Variants in BCCIP observed in about 807,000 individuals in gnomAD.
The protein encoded by BCCIP is BRCA2 and CDKN1A interacting protein.
BCCIP carries 23 observed loss-of-function variants against 32.8 expected under a neutral mutation model. The observed-to-expected ratio is 0.70, with a 90% CI of 0.51 to 0.99. The LOEUF (loss-of-function observed/expected upper bound fraction) is 0.99. BCCIP is among the 50% of genes least tolerant of loss of function. The pLI is 0.00. For synonymous variants in BCCIP, 144 were observed against 137.6 expected (o/e 1.05, Z -0.33); for missense variants, 378 against 379.8 (o/e 1.00, Z 0.04).
chr10:125,843,856 C>T (rs887143640), downstream of BCCIP, among the ~76,000 whole-genome samples: 1 of 152,204 alleles, frequency 6.6e-6, no homozygotes, highest in Non-Finnish European at 1.5e-5. Context: ...CAGTGCCAAA[C>T]CACCCAAGGG....
downstream of BCCIP, chr10:125,841,274 T>G: frequency 6.2e-7 from 1 of 1,614,118 alleles, no homozygotes; most frequent in Non-Finnish European, 8.5e-7. Context: ...AAACCTGAGG[T>G]GCTTGGAGGT....
intron 7 of BCCIP, among the ~76,000 whole-genome samples, chr10:125,850,903 A>T (rs1454560750): frequency 2.6e-5 from 4 of 152,204 alleles, no homozygotes; most frequent in African/African-American, 9.6e-5. Flanking sequence ...CTGCCTTCCC[A>T]GGGTAGCGGC....
chr10:125,833,130 A>AC (rs1854565101), intron 5 of BCCIP, among the ~76,000 whole-genome samples: 1 of 151,538 alleles, frequency 6.6e-6, no homozygotes, highest in Non-Finnish European at 1.5e-5. Context: ...TCTCCAAACG[A>AC]AAAAAAGAAA....
intron 7 of BCCIP, among the ~76,000 whole-genome samples, chr10:125,848,907 C>T (rs548176044): frequency 6.6e-6 from 1 of 152,286 alleles, no homozygotes; most frequent in African/African-American, 2.4e-5. Flanking sequence ...TGAAGTGAAG[C>T]AATGAGAGTC....
chr10:125,849,031 C>T (rs1944058338), intron 7 of BCCIP, among the ~76,000 whole-genome samples: 1 of 152,214 alleles, frequency 6.6e-6, no homozygotes, highest in African/African-American at 2.4e-5. Flanking sequence ...TGGGGACCAT[C>T]TACCCCAGTT....
downstream of BCCIP, among the ~76,000 whole-genome samples, chr10:125,845,849 T>C (rs1180173805): frequency 6.6e-6 from 1 of 152,178 alleles, no homozygotes; most frequent in African/African-American, 2.4e-5. Flanking sequence ...GGCCAGCTCC[T>C]CCGAGCTTAG....
chr10:125,836,679 C>T (rs15281), downstream of BCCIP: 10 of 1,612,764 alleles, frequency 6.2e-6, no homozygotes, highest in African/African-American at 1.2e-4. Flanking sequence ...CTTGTGTTTG[C>T]TGGGGAGTCA....
chr10:125,824,057 C>T (rs1482076714), intron 1 of BCCIP, among the ~76,000 whole-genome samples: 1 of 152,238 alleles, frequency 6.6e-6, no homozygotes, highest in African/African-American at 2.4e-5. Flanking sequence ...AGGGGGCCCT[C>T]TCCCCTCGGG....
chr10:125,834,968 TA>T lies in BCCIP; in HGVS notation c.774+1028del, dbSNP rs574516312. ...TAACATGGTGAAACCCCGTCTCTAC[TA>T]AAAAATACAAAAAATTAGCCGGGCG... On this transcript the variant is annotated intron_variant, in intron 6 of 6. Coordinates refer to ENST00000278100, the MANE Select transcript of BCCIP (RefSeq NM_078468.3). Among the ~76,000 whole-genome samples the T allele has an allele frequency of 2.7e-3, 410 of 149,102 alleles. 2 individuals carry two copies. The highest frequency in any genetic ancestry group is 2.5e-3 in the Non-Finnish European group (166 of 67,188).
At chr10:125,825,418 T>C (rs960100613) in intron 1 of BCCIP, 2 of 152,224 alleles carry the variant, frequency 1.3e-5, no homozygotes, top group African/African-American at 4.8e-5. Context: ...TCCTGAATAA[T>C]GACAGTTTGT....
At position 125,848,054 on chromosome 10, in the gene BCCIP, A is replaced by C. The variant is rs1564824961; in HGVS notation, c.851-5071A>C. The stretch of plus-strand genomic sequence containing the variant: ...TATACACATTTACATAAATGGACAG[A>C]GAAAAATGCAGTTATCACTTAGGAG... On this transcript the variant is annotated intron_variant, in intron 7 of 7. Coordinates refer to the BCCIP transcript ENST00000368759. 2.0e-5 allele frequency among the ~76,000 whole-genome samples: 3 copies of C among 152,218 alleles called. No individual in the cohort carries two copies. The South Asian group carries it at 6.2e-4, about 32-fold the overall frequency.
downstream of BCCIP, chr10:125,838,208 T>C (rs1854759263): frequency 3.1e-6 from 5 of 1,601,452 alleles, no homozygotes; most frequent in Non-Finnish European, 4.3e-6. Flanking sequence ...AAACTTACAG[T>C]TCAGGAGAGA....
intron 3 of BCCIP, among the ~76,000 whole-genome samples, chr10:125,828,150 G>A (rs1239791329): frequency 6.6e-6 from 1 of 152,076 alleles, no homozygotes; most frequent in Admixed American, 6.6e-5. Context: ...ATATTTGGGA[G>A]ATGAAATATG....
At chr10:125,845,063 C>T (rs1378006099), downstream of BCCIP, among the ~76,000 whole-genome samples, 1 of 152,214 alleles carries the variant, frequency 6.6e-6, no homozygotes, top group African/African-American at 2.4e-5. Flanking sequence ...ACAAAGAGGT[C>T]ATTAAACTGC....
At position 125,836,533 on chromosome 10, in the gene BCCIP, ATTTTT is replaced by A; in HGVS notation, c.*261_*265del. On this transcript the variant is annotated 3_prime_UTR_variant, in exon 7 of 7. Coordinates refer to ENST00000278100, the MANE Select transcript of BCCIP (RefSeq NM_078468.3). ...TTTAAAGAACTCAATAAAAACTTCTATTTTTTATTTTAAAATAATATACACAGTGT... is the reference window on the plus strand; with the variant it reads ...TTTAAAGAACTCAATAAAAACTTCTATATTTTAAAATAATATACACAGTGT... 7.5e-7 allele frequency: 1 copy of A among 1,335,762 alleles called. No individual in the cohort carries two copies. The highest frequency in any genetic ancestry group is 9.8e-7 in the Non-Finnish European group (1 of 1,020,440). The allele number at this position is 1,335,762 out of a possible 1,614,324, so 82.7% of individuals were successfully genotyped here.
intron 4 of BCCIP, among the ~76,000 whole-genome samples, chr10:125,831,110 T>A (rs1854512085): frequency 6.6e-6 from 1 of 152,236 alleles, no homozygotes. Context: ...AGGCTACACT[T>A]AGTCTTTAAT....
downstream of BCCIP, chr10:125,839,105 C>T (rs1209400614): frequency 6.2e-7 from 1 of 1,614,216 alleles, no homozygotes; most frequent in Admixed American, 1.7e-5. Flanking sequence ...TTGATAATTT[C>T]TAAGAGTTCA....
intron 7 of BCCIP, among the ~76,000 whole-genome samples, chr10:125,848,628 C>T (rs891847349): frequency 1.3e-5 from 2 of 152,176 alleles, no homozygotes; most frequent in South Asian, 2.1e-4. Flanking sequence ...TTCCTGGCTC[C>T]GGCCCATCTC....
downstream of BCCIP, chr10:125,840,792 CTT>C: frequency 6.6e-6 from 10 of 1,511,866 alleles, no homozygotes; most frequent in Non-Finnish European, 8.9e-6. Flanking sequence ...AGGACTCAGA[CTT>C]ATCTAGGGAA....
Sources: allele counts gnomAD v4.1 joint callset (sites outside exome capture counted in the v4.1 genomes callset), GRCh38; gene constraint gnomAD v4.1.1; transcripts MANE v1.5; gene names NCBI Gene and HGNC (gene_info 2026-07-23, HGNC 2026-07-21).